The following COL11A1 variants were observed in gnomAD, a reference collection of about 807,000 sequenced individuals.
The protein encoded by COL11A1 is collagen alpha-1(XI) chain.
COL11A1 carries 74 observed loss-of-function variants against 265.2 expected under a neutral mutation model. The observed-to-expected ratio is 0.28, with a 90% CI of 0.23 to 0.34. COL11A1 has a LOEUF of 0.34. COL11A1 is among the 10% of genes least tolerant of loss of function. COL11A1 has a pLI of 1.00. For synonymous variants in COL11A1, 816 were observed against 727.6 expected, an observed-to-expected ratio of 1.12 and a Z score of -1.96; for missense variants, 2,165 against 2,263.6, an observed-to-expected ratio of 0.96 and a Z score of 0.88.
At chr1:103,022,581 G>A (rs1281097748) in intron 8 of COL11A1, among the ~76,000 whole-genome samples, 161 bp downstream of exon 8, 2 of 152,140 alleles carry the variant, frequency 1.3e-5, no homozygotes, top group Non-Finnish European at 2.9e-5. Flanking sequence ...AGATTCCCAT[G>A]TGAAAGAATC....
chr1:102,907,882 T>G (rs1763351), intron 54 of COL11A1, among the ~76,000 whole-genome samples: 15,138 of 152,026 alleles, frequency 0.1, 1,763 homozygotes, highest in African/African-American at 0.28. Flanking sequence ...TTGAGTCTTT[T>G]GGTGGATATG....
chr1:102,884,136 C>T (rs1650637794), intron 63 of COL11A1, among the ~76,000 whole-genome samples: 1 of 152,128 alleles, frequency 6.6e-6, no homozygotes, highest in Admixed American at 6.6e-5. Flanking sequence ...AAGTGAAAGC[C>T]GCTGAGGCAG....
chr1:102,890,379 A>T, intron 58 of COL11A1, 72 bp downstream of exon 58: 1 of 1,340,536 alleles, frequency 7.5e-7, no homozygotes, highest in Non-Finnish European at 1.0e-6. Flanking sequence ...GAATGATTTT[A>T]ATCTGCAAAA....
chr1:103,014,023 A>G (rs1358736981), intron 13 of COL11A1, among the ~76,000 whole-genome samples: 2 of 152,098 alleles, frequency 1.3e-5, no homozygotes, highest in Non-Finnish European at 2.9e-5. Context: ...AGGGTTGGTA[A>G]GAAATTTGAA....
At chr1:103,019,434 TATA>T (rs2101923245) in intron 9 of COL11A1, among the ~76,000 whole-genome samples, 1 of 152,296 alleles carries the variant, frequency 6.6e-6, no homozygotes, top group South Asian at 2.1e-4. Context: ...GCTGAAAAGC[TATA>T]ATGTCATTTA....
At chr1:102,930,844 TA>T (rs1369724816) in intron 46 of COL11A1, among the ~76,000 whole-genome samples, 1 of 151,744 alleles carries the variant, frequency 6.6e-6, no homozygotes, top group Non-Finnish European at 1.5e-5. Flanking sequence ...TCAAGGAATT[TA>T]TCCATTTCTT....
At position 102,971,397 on chromosome 1, in the gene COL11A1, C is replaced by T. The variant is rs117329818; in HGVS notation, c.2809-1125G>A. Among the ~76,000 whole-genome samples the T allele has an allele frequency of 1.8e-4, 27 of 152,196 alleles. 1 individual carries two copies. The East Asian group carries it at 1.9e-3, about 11-fold the overall frequency. On this transcript the variant is annotated intron_variant, in intron 36 of 66. Transcript: ENST00000370096. Reference sequence around the variant, plus strand: ...TATTCATTCTACTCAGTAACCATTACGTATCAAGTTCAAATTTCAAAACAT... The same window carrying T: ...TATTCATTCTACTCAGTAACCATTATGTATCAAGTTCAAATTTCAAAACAT...
chr1:103,056,500 T>A (rs2102170180), intron 4 of COL11A1, among the ~76,000 whole-genome samples: 1 of 152,296 alleles, frequency 6.6e-6, no homozygotes, highest in South Asian at 2.1e-4. Context: ...TGCACTTTTG[T>A]GAGTTTTACT....
chr1:102,912,285 G>A, intron 53 of COL11A1, 73 bp from the exon 54 acceptor site: 2 of 1,209,288 alleles, frequency 1.7e-6, no homozygotes, highest in Non-Finnish European at 2.4e-6. Flanking sequence ...TTCAAAATCT[G>A]GATGGAAACC....
At chr1:102,882,727 G>T (rs560893849) in intron 64 of COL11A1, among the ~76,000 whole-genome samples, 306 of 152,102 alleles carry the variant, frequency 2.0e-3, no homozygotes, top group Middle Eastern at 0.01. Context: ...TCAGTGTACT[G>T]GTAATAATGT....
chr1:103,060,579 T>G (rs1670595005), intron 4 of COL11A1, among the ~76,000 whole-genome samples: 1 of 152,072 alleles, frequency 6.6e-6, no homozygotes, highest in African/African-American at 2.4e-5. Flanking sequence ...AGAGAGGAAT[T>G]TGAAATATTT....
At chr1:103,101,628 C>T (rs889452124) in intron 1 of COL11A1, among the ~76,000 whole-genome samples, 6 of 151,836 alleles carry the variant, frequency 4.0e-5, no homozygotes, top group African/African-American at 1.2e-4. Context: ...GAAGCTTCCC[C>T]TGATACTCTG....
chr1:103,026,613 G>GTTAA (rs1382374194), intron 5 of COL11A1, among the ~76,000 whole-genome samples: 11 of 149,968 alleles, frequency 7.3e-5, no homozygotes, highest in African/African-American at 2.7e-4. Context: ...ATTATGGAAT[G>GTTAA]TTAATTGAAA....
intron 41 of COL11A1, among the ~76,000 whole-genome samples, chr1:102,947,262 G>A (rs1002413508): frequency 1.3e-5 from 2 of 151,942 alleles, no homozygotes; most frequent in Admixed American, 1.3e-4. Context: ...TCATAATTGT[G>A]CACAATGCTT....
rs958157820 is a variant in COL11A1 at position 102,995,729 on chromosome 1, G to T, written c.2340+135C>A. On this transcript the variant is annotated intron_variant, in intron 28 of 66. Transcript: ENST00000370096. ...ATTGTTTTTAAGTTGTGAGGATAAA[G>T]AATACAAAATTATACTAGCATTGCG... is the stretch of plus-strand genomic sequence containing the variant. The T allele has an allele frequency of 1.3e-5, 10 of 746,500 alleles. No homozygotes were observed. In the Admixed American group the frequency reaches 1.6e-4, roughly 12 times the overall value. The allele number at this position is 746,500 out of a possible 1,614,324, so 46.2% of individuals were successfully genotyped here.
At chr1:103,075,899 T>C (rs1039542103) in intron 3 of COL11A1, among the ~76,000 whole-genome samples, 3 of 152,090 alleles carry the variant, frequency 2.0e-5, no homozygotes, top group African/African-American at 7.2e-5. Context: ...TTGGTTTGAA[T>C]TGAGCAAAGA....
chr1:102,952,125 A>G (rs1167779737), intron 41 of COL11A1, among the ~76,000 whole-genome samples: 1 of 147,982 alleles, frequency 6.8e-6, no homozygotes, highest in African/African-American at 2.4e-5. Flanking sequence ...TTTGAGATGG[A>G]GTCTTGCTCT....
At position 102,939,044 on chromosome 1, in the gene COL11A1, C is replaced by G; in HGVS notation, c.3429G>C (p.Lys1143Asn). 3 of 1,613,724 alleles carry G rather than the reference C, an allele frequency of 1.9e-6. No individual in the cohort carries two copies. The highest frequency in any genetic ancestry group is 2.5e-6 in the Non-Finnish European group (3 of 1,179,816). ...EPGQKGSKGDKGENGPPGPPG... is the reference protein window; with the variant it reads ...EPGQKGSKGDNGENGPPGPPG... ...GAAGTAGGAAACTCACATTTTCTCCCTTGTCACCCTTGCTGCCTTTTTGTC... is the reference window on the plus strand; with the variant it reads ...GAAGTAGGAAACTCACATTTTCTCCGTTGTCACCCTTGCTGCCTTTTTGTC... Residue 1143 changes from lysine (K) to asparagine (N), a missense_variant, in exon 44 of 67, where the codon AAG becomes AAC. By Grantham distance (94) the Lys-to-Asn change is moderately conservative. Coordinates refer to ENST00000370096, the MANE Select transcript of COL11A1 (RefSeq NM_001854.4).
intron 46 of COL11A1, among the ~76,000 whole-genome samples, chr1:102,924,935 G>A (rs770846015): frequency 5.1e-4 from 78 of 151,956 alleles, no homozygotes; most frequent in Admixed American, 1.5e-3. Flanking sequence ...TTCTAATATT[G>A]TAGGATTATG....
Sources: allele counts gnomAD v4.1 joint callset (sites outside exome capture counted in the v4.1 genomes callset), GRCh38; gene constraint gnomAD v4.1.1; transcripts MANE v1.5; gene names NCBI Gene and HGNC (gene_info 2026-07-23, HGNC 2026-07-21).